Variants in CNPY1 observed in about 807,000 individuals in gnomAD.
CNPY1 encodes canopy FGF signaling regulator 1.
Under a neutral mutation model 14.4 loss-of-function variants are expected in CNPY1, and 14 were observed. That is an observed-to-expected ratio of 0.97 (90% CI 0.64 to 1.52). The LOEUF (loss-of-function observed/expected upper bound fraction) is 1.52, where lower values mean the gene tolerates loss of function less well. CNPY1 is among the 40% of genes most tolerant of loss of function. The probability of loss-of-function intolerance (pLI) is 0.00; values close to 1 mark genes in which losing one functional copy is unlikely to be tolerated. For synonymous variants in CNPY1, 43 were observed against 46.5 expected (o/e 0.92, Z 0.31); for missense variants, 129 against 131.5 (o/e 0.98, Z 0.09).
chr7:155,542,094 G>A (rs1297688368), intron 2 of CNPY1, among the ~76,000 whole-genome samples: 4 of 152,170 alleles, frequency 2.6e-5, no homozygotes, highest in South Asian at 2.1e-4. Flanking sequence ...TGCAGAACAC[G>A]TGCAGTGGGA....
intron 2 of CNPY1, among the ~76,000 whole-genome samples, chr7:155,520,428 C>CTTTTTTTTTTTTT (rs71522007): frequency 1.7e-4 from 12 of 69,408 alleles, no homozygotes; most frequent in Admixed American, 2.1e-4. Flanking sequence ...TTCTTTCTTT[C>CTTTTTTTTTTTTT]TTTTTTTTTT....
chr7:155,518,546 C>T (rs931728359), intron 2 of CNPY1: 1 of 152,096 alleles, frequency 6.6e-6, no homozygotes, highest in Non-Finnish European at 1.5e-5. Context: ...ATTGTGCATT[C>T]GAAAGCAATG....
At chr7:155,543,472 C>T (rs559747604) in intron 2 of CNPY1, among the ~76,000 whole-genome samples, 60 of 152,244 alleles carry the variant, frequency 3.9e-4, no homozygotes, top group Admixed American at 3.2e-3. Context: ...AGCCTGCTGA[C>T]GGAAGAAAAC....
chr7:155,507,471 TAA>T (rs35711313), intron 3 of CNPY1, among the ~76,000 whole-genome samples: 50 of 54,140 alleles, frequency 9.2e-4, no homozygotes, highest in African/African-American at 4.0e-3. Context: ...GTTTTTAAAC[TAA>T]AAAAAAAAAA....
At chr7:155,520,497 G>C (rs1195830152) in intron 2 of CNPY1, among the ~76,000 whole-genome samples, 24 of 123,236 alleles carry the variant, frequency 1.9e-4, no homozygotes, top group Non-Finnish European at 3.8e-4. Context: ...GAGTGTAATA[G>C]CATGATCTTG....
rs568883231 is a variant in CNPY1, at chr7:155,536,073, G to T, written c.99+9758C>A. Among the ~76,000 whole-genome samples the T allele has an allele frequency of 7.9e-5, 12 of 152,318 alleles. No homozygotes were observed. Among genetic ancestry groups the T allele is most frequent in the African/African-American group, 2.2e-4 (9 of 41,564 alleles). ...TGGCTGTAGGTAGTAAACCCTCCGG[G>T]ATGATATTCTGGGCTGGGCTGTCCT... On this transcript the variant is annotated intron_variant, in intron 2 of 4. Coordinates refer to ENST00000636446, the MANE Select transcript of CNPY1 (RefSeq NM_001393663.1). This position sits in a 1 kb window ranked among gnomAD's most constrained non-coding sequence, Gnocchi z 4.1.
intron 2 of CNPY1, among the ~76,000 whole-genome samples, chr7:155,513,506 T>A (rs1244174763): frequency 6.6e-6 from 1 of 152,202 alleles, no homozygotes; most frequent in African/African-American, 2.4e-5. Context: ...CCTGCTATAA[T>A]TAAAGTGAAA....
At position 155,536,434 on chromosome 7, in the gene CNPY1, GCTT is replaced by G. The variant is rs1447229901; in HGVS notation, c.99+9394_99+9396del. On this transcript the variant is annotated intron_variant, in intron 2 of 4. Coordinates refer to ENST00000636446, the MANE Select transcript of CNPY1 (RefSeq NM_001393663.1). This position sits in a 1 kb window ranked among gnomAD's most constrained non-coding sequence, Gnocchi z 4.1. Reference sequence around the variant, plus strand: ...GCCTTTCTTTGTCCCATGCTACCAGGCTTCTCTCCAGTGACCAGTGACCTGCTA... The same window carrying G: ...GCCTTTCTTTGTCCCATGCTACCAGGCTCTCCAGTGACCAGTGACCTGCTA... 6.6e-6 allele frequency among the ~76,000 whole-genome samples: 1 copy of G among 152,092 alleles called. No individual in the cohort carries two copies. The highest frequency in any genetic ancestry group is 1.9e-4 in the East Asian group (1 of 5,198).
intron 4 of CNPY1, among the ~76,000 whole-genome samples, chr7:155,505,271 T>C (rs1424620): frequency 0.21 from 31,300 of 152,126 alleles, 4,162 homozygotes; most frequent in African/African-American, 0.38. Context: ...CACCTTTGAG[T>C]ATCTTTTACA....
chr7:155,508,931 T>C lies in CNPY1; in HGVS notation c.266A>G (p.Tyr89Cys), dbSNP rs774074285. ...DKIYQEFKKL[Y>C]FYSDAYRPLK... ...AGGTCTGTAAGCATCAGAATAAAAA[T>C]ACAATTTTTTAAATTCTTGGTATAT... The change falls in exon 3 of 5, where the codon TAT becomes TGT. Residue 89 changes from tyrosine to cysteine, a missense_variant. Physicochemically the swap from Tyr to Cys is radical, Grantham distance 194. Coordinates refer to ENST00000636446, the MANE Select transcript of CNPY1 (RefSeq NM_001393663.1). The C allele has an allele frequency of 3.1e-6, 5 of 1,613,700 alleles. No individual in the cohort carries two copies. Among genetic ancestry groups the C allele is most frequent in the East Asian group, 2.2e-5 (1 of 44,882 alleles).
Position 155,515,640 on chromosome 7 carries a change from G to A in CNPY1, c.100-6543C>T, listed in dbSNP as rs78113511. Reference sequence around the variant, plus strand: ...TCGACTGGGGGAAACGAGGAGATTCGGGGATTTCTCGGAGGTGCATCTCTT... The same window carrying A: ...TCGACTGGGGGAAACGAGGAGATTCAGGGATTTCTCGGAGGTGCATCTCTT... On this transcript the variant is annotated intron_variant, in intron 2 of 4. Coordinates refer to ENST00000636446, the MANE Select transcript of CNPY1 (RefSeq NM_001393663.1). 5.1e-3 allele frequency among the ~76,000 whole-genome samples: 776 copies of A among 152,174 alleles called. 7 individuals carry two copies. The highest frequency in any genetic ancestry group is 0.018 in the African/African-American group (729 of 41,528).
At chr7:155,521,924 A>G (rs2111845) in intron 2 of CNPY1, among the ~76,000 whole-genome samples, 137,355 of 152,286 alleles carry the variant, frequency 0.9, 62,064 homozygotes, top group East Asian at 0.98. Context: ...TGCGGCTGAC[A>G]TCATCCTATC....
At chr7:155,503,911 C>T (rs539217434) in intron 4 of CNPY1, among the ~76,000 whole-genome samples, 14 of 152,332 alleles carry the variant, frequency 9.2e-5, no homozygotes, top group Admixed American at 6.5e-4. Flanking sequence ...AGTTACAGTG[C>T]TCTGTTCCAT....
At chr7:155,532,767 A>G (rs1796963109) in intron 2 of CNPY1, among the ~76,000 whole-genome samples, 1 of 152,134 alleles carries the variant, frequency 6.6e-6, no homozygotes, top group Non-Finnish European at 1.5e-5. Flanking sequence ...ATACCTCTAC[A>G]ATATCTTCCC....
chr7:155,544,695 T>C (rs115168411), intron 2 of CNPY1, among the ~76,000 whole-genome samples: 340 of 152,276 alleles, frequency 2.2e-3, no homozygotes, highest in African/African-American at 7.7e-3. Context: ...ACAAAGGACC[T>C]TGAGATTCCG....
chr7:155,515,029 T>C (rs576578670), intron 2 of CNPY1, among the ~76,000 whole-genome samples: 10 of 152,316 alleles, frequency 6.6e-5, no homozygotes, highest in African/African-American at 9.6e-5. Context: ...ACACACATAC[T>C]GCACACACGC....
At chr7:155,517,687 G>A (rs1796647408) in intron 2 of CNPY1, among the ~76,000 whole-genome samples, 1 of 152,230 alleles carries the variant, frequency 6.6e-6, no homozygotes, top group Admixed American at 6.5e-5. Flanking sequence ...CAAAGTGGGG[G>A]CACTGGGCTC....
intron 2 of CNPY1, among the ~76,000 whole-genome samples, chr7:155,519,796 AC>A: frequency 6.6e-6 from 1 of 152,132 alleles, no homozygotes; most frequent in Admixed American, 6.6e-5. Context: ...TCCAGCCTTC[AC>A]CCACATGTAG....
intron 2 of CNPY1, among the ~76,000 whole-genome samples, chr7:155,527,054 C>CTTTCTTTCTTTCTTTCTTTCTTTCTTT (rs56296833): frequency 1.3e-4 from 12 of 90,352 alleles, no homozygotes; most frequent in African/African-American, 5.6e-4. Flanking sequence ...TTCTTTCTTT[C>CTTTCTTTCTTTCTTTCTTTCTTTCTTT]TTTTTTTTTT....
Sources: gnomAD v4.1 joint callset for allele counts (sites outside exome capture counted in the v4.1 genomes callset) on GRCh38, gnomAD v4.1.1 for gene constraint, Gnocchi (gnomAD v3.1) non-coding constraint, MANE v1.5 for transcripts, NCBI Gene and HGNC (gene_info 2026-07-23, HGNC 2026-07-21) for gene names.